The following PDE11A variants were observed in gnomAD, a reference collection of about 807,000 sequenced individuals.
PDE11A encodes phosphodiesterase 11A.
Under a neutral mutation model 100.5 loss-of-function variants are expected in PDE11A, and 100 were observed. The observed-to-expected ratio is 1.00, with a 90% CI of 0.85 to 1.18. PDE11A has a LOEUF of 1.18. PDE11A is among the 50% of genes most tolerant of loss of function. PDE11A has a pLI of 0.00. For synonymous variants in PDE11A, 381 were observed against 420.8 expected, an observed-to-expected ratio of 0.91 and a Z score of 1.16; for missense variants, 1,141 against 1,152.6, an observed-to-expected ratio of 0.99 and a Z score of 0.15.
At chr2:177,717,541 T>C (rs1355098499) in intron 12 of PDE11A, among the ~76,000 whole-genome samples, 1 of 152,220 alleles carries the variant, frequency 6.6e-6, no homozygotes, top group Non-Finnish European at 1.5e-5. Flanking sequence ...TATTGAGCTT[T>C]AATGTTAATA....
At chr2:177,844,814 G>A (rs2083554571) in intron 5 of PDE11A, among the ~76,000 whole-genome samples, 1 of 151,796 alleles carries the variant, frequency 6.6e-6, no homozygotes, top group Non-Finnish European at 1.5e-5. Flanking sequence ...ATTTAACCCT[G>A]AGTGGACACA....
chr2:177,844,542 A>T lies in PDE11A; in HGVS notation c.1368-4159T>A, dbSNP rs151172012. ...CTTTTTTTTTTTTAATTAATTAATT[A>T]ATTTATTTATTTTTTATTGATAATT... On this transcript the variant is annotated intron_variant, in intron 5 of 19. Coordinates refer to ENST00000286063, the MANE Select transcript of PDE11A (RefSeq NM_016953.4). Among the ~76,000 whole-genome samples the T allele has an allele frequency of 2.8e-3, 427 of 151,412 alleles. 3 individuals carry two copies. Among genetic ancestry groups the T allele is most frequent in the South Asian group, 0.012 (56 of 4,786 alleles).
Position 178,029,179 on chromosome 2 carries a change from A to G in PDE11A, c.913-14719T>C, listed in dbSNP as rs181106204. Among the ~76,000 whole-genome samples, 412 of 152,322 alleles carry G rather than the reference A, an allele frequency of 2.7e-3. 5 individuals carry two copies. The highest frequency in any genetic ancestry group is 9.7e-3 in the African/African-American group (402 of 41,580). On this transcript the variant is annotated intron_variant, in intron 1 of 19. Transcript: ENST00000286063. The stretch of plus-strand genomic sequence containing the variant: ...TGCACCCAACAACAAGAGATTTCAT[A>G]TAATTAGTTCCATGATTGACATGAA...
At chr2:177,651,747 A>C (rs2080312327) in intron 19 of PDE11A, among the ~76,000 whole-genome samples, 1 of 152,092 alleles carries the variant, frequency 6.6e-6, no homozygotes, top group South Asian at 2.1e-4. Flanking sequence ...AAATTCGATG[A>C]TGATATATTG....
chr2:177,907,879 A>C (rs1045992571), intron 2 of PDE11A, among the ~76,000 whole-genome samples: 10 of 152,208 alleles, frequency 6.6e-5, no homozygotes, highest in Admixed American at 5.2e-4. Context: ...AACCAGCAAA[A>C]ATGCTGATGC....
intron 9 of PDE11A, among the ~76,000 whole-genome samples, chr2:177,788,131 G>C (rs955557581): frequency 3.3e-5 from 5 of 151,868 alleles, no homozygotes; most frequent in African/African-American, 7.3e-5. Context: ...TGACCACATA[G>C]TTGGAAGTAA....
intron 9 of PDE11A, among the ~76,000 whole-genome samples, chr2:177,772,990 G>T (rs2082331016): frequency 6.6e-6 from 1 of 151,666 alleles, no homozygotes; most frequent in Non-Finnish European, 1.5e-5. Flanking sequence ...AGTGTAATTT[G>T]TCAATTATTT....
At chr2:177,646,535 T>G (rs2080226853) in intron 19 of PDE11A, among the ~76,000 whole-genome samples, 1 of 152,232 alleles carries the variant, frequency 6.6e-6, no homozygotes, top group African/African-American at 2.4e-5. Flanking sequence ...GTTTACATGG[T>G]TAAGTACACA....
At chr2:178,005,674 G>A (rs946038633) in intron 2 of PDE11A, among the ~76,000 whole-genome samples, 5 of 152,108 alleles carry the variant, frequency 3.3e-5, no homozygotes, top group African/African-American at 4.8e-5. Context: ...AAGTAGAAAC[G>A]CAATAAATAG....
chr2:177,965,285 A>G (rs1441844718), intron 2 of PDE11A, among the ~76,000 whole-genome samples: 1 of 152,176 alleles, frequency 6.6e-6, no homozygotes, highest in East Asian at 1.9e-4. Flanking sequence ...TGTCAGATGC[A>G]TAATTTGCAA....
chr2:177,730,496 C>T (rs575795657), intron 10 of PDE11A, among the ~76,000 whole-genome samples: 1 of 151,740 alleles, frequency 6.6e-6, no homozygotes, highest in African/African-American at 2.4e-5. Context: ...TTTCATTTCT[C>T]TTTTCCTTTA....
At chr2:178,046,607 A>C (rs1458909344) in intron 1 of PDE11A, among the ~76,000 whole-genome samples, 1 of 152,158 alleles carries the variant, frequency 6.6e-6, no homozygotes, top group Non-Finnish European at 1.5e-5. Flanking sequence ...TGATAGATAG[A>C]AGGTCAAGGA....
intron 4 of PDE11A, among the ~76,000 whole-genome samples, chr2:177,886,839 A>T (rs1202589522): frequency 6.6e-6 from 1 of 152,150 alleles, no homozygotes; most frequent in East Asian, 1.9e-4. Flanking sequence ...ACATTTAGAG[A>T]TTGAAAGGAA....
chr2:177,807,379 G>C (rs1211833982), intron 9 of PDE11A, among the ~76,000 whole-genome samples: 1 of 151,896 alleles, frequency 6.6e-6, no homozygotes, highest in Non-Finnish European at 1.5e-5. Flanking sequence ...TATAACAATT[G>C]CATTGTTCTT....
At chr2:177,700,043 C>A (rs1269287026) in intron 14 of PDE11A, among the ~76,000 whole-genome samples, 1 of 152,162 alleles carries the variant, frequency 6.6e-6, no homozygotes, top group African/African-American at 2.4e-5. Flanking sequence ...TCAGCTAAGA[C>A]ACTGTTTTTG....
intron 12 of PDE11A, among the ~76,000 whole-genome samples, chr2:177,726,913 A>G (rs1381790087): frequency 1.3e-5 from 2 of 152,134 alleles, no homozygotes; most frequent in South Asian, 4.1e-4. Flanking sequence ...AGAAACCAAC[A>G]TATTTAAGCC....
At chr2:177,631,546 T>C (rs945421675) in intron 19 of PDE11A, among the ~76,000 whole-genome samples, 3,448 of 16,600 alleles carry the variant, frequency 0.21, 645 homozygotes, top group East Asian at 0.46. Context: ...TATATATATA[T>C]ACACATGTAT....
At chr2:177,920,003 A>C (rs1208175528) in intron 2 of PDE11A, among the ~76,000 whole-genome samples, 5 of 152,174 alleles carry the variant, frequency 3.3e-5, no homozygotes, top group Admixed American at 3.3e-4. Flanking sequence ...TTCATCAATA[A>C]ATCGTGTTGG....
At chr2:177,958,787 T>C (rs1170118022) in intron 2 of PDE11A, among the ~76,000 whole-genome samples, 1 of 152,170 alleles carries the variant, frequency 6.6e-6, no homozygotes, top group Non-Finnish European at 1.5e-5. Context: ...TAGAGATTAA[T>C]AGTAACAGCA....
Sources: gnomAD v4.1 joint callset for allele counts (sites outside exome capture counted in the v4.1 genomes callset) on GRCh38, gnomAD v4.1.1 for gene constraint, MANE v1.5 for transcripts, NCBI Gene and HGNC (gene_info 2026-07-23, HGNC 2026-07-21) for gene names.